ARL15: variants seen among roughly 807,000 people sequenced by gnomAD.
ARL15 encodes ADP-ribosylation factor-like protein 15.
Under a neutral mutation model 25.2 loss-of-function variants are expected in ARL15, and 19 were observed. The observed-to-expected ratio is 0.75, with a 90% CI of 0.53 to 1.10. ARL15 has a LOEUF of 1.10. ARL15 is among the 50% of genes least tolerant of loss of function. The probability of loss-of-function intolerance (pLI) is 0.00; values close to 1 mark genes in which losing one functional copy is unlikely to be tolerated. For synonymous variants in ARL15, 94 were observed against 86.8 expected (o/e 1.08, Z -0.46); for missense variants, 220 against 246.0 (o/e 0.89, Z 0.71).
intron 2 of ARL15, among the ~76,000 whole-genome samples, chr5:54,165,139 C>T (rs1469717648): frequency 1.3e-5 from 2 of 151,978 alleles, no homozygotes; most frequent in African/African-American, 4.8e-5. Context: ...AGTGTACTTC[C>T]CTTTTTCCCC....
intron 2 of ARL15, among the ~76,000 whole-genome samples, chr5:54,166,958 T>TA (rs35635197): frequency 0.45 from 68,609 of 151,960 alleles, 16,132 homozygotes; most frequent in East Asian, 0.83. Flanking sequence ...TGAGATGCAT[T>TA]ACATTACCAG....
intron 4 of ARL15, among the ~76,000 whole-genome samples, chr5:54,066,060 C>T (rs533884524): frequency 1.3e-5 from 2 of 152,302 alleles, no homozygotes; most frequent in African/African-American, 4.8e-5. Context: ...TTTCTAGCAT[C>T]ACAATACCTC....
chr5:53,941,979 T>A (rs1348690911), intron 4 of ARL15, among the ~76,000 whole-genome samples: 1 of 152,162 alleles, frequency 6.6e-6, no homozygotes, highest in Non-Finnish European at 1.5e-5. Context: ...GTCTGATTTA[T>A]CTATTTAAAA....
intron 1 of ARL15, among the ~76,000 whole-genome samples, chr5:54,234,335 A>T (rs941652053): frequency 1.4e-4 from 22 of 152,034 alleles, no homozygotes; most frequent in East Asian, 3.9e-4. Flanking sequence ...AAAAAAAAAA[A>T]TTTTAATTGC....
At chr5:54,196,609 C>T (rs1755556747) in intron 1 of ARL15, among the ~76,000 whole-genome samples, 1 of 151,428 alleles carries the variant, frequency 6.6e-6, no homozygotes, top group South Asian at 2.1e-4. Context: ...TCAAGCTTAC[C>T]TTAAAAAATT....
intron 1 of ARL15, among the ~76,000 whole-genome samples, chr5:54,180,053 G>A (rs981314354): frequency 2.0e-5 from 3 of 150,386 alleles, no homozygotes; most frequent in Non-Finnish European, 4.4e-5. Context: ...GCCCATGTGA[G>A]CTGCAGAGAT....
intron 1 of ARL15, among the ~76,000 whole-genome samples, chr5:54,277,040 A>G (rs1221260138): frequency 1.3e-5 from 2 of 152,240 alleles, no homozygotes; most frequent in Non-Finnish European, 2.9e-5. Flanking sequence ...TACAGCATCC[A>G]TAGGAAATAC....
chr5:54,267,153 G>A (rs1466656316), intron 1 of ARL15, among the ~76,000 whole-genome samples: 1 of 152,070 alleles, frequency 6.6e-6, no homozygotes, highest in East Asian at 1.9e-4. Flanking sequence ...GGGCAGTGGC[G>A]GGATCTCAGC....
intron 4 of ARL15, among the ~76,000 whole-genome samples, chr5:53,944,355 A>C (rs1022913376): frequency 2.6e-5 from 4 of 152,168 alleles, no homozygotes; most frequent in African/African-American, 9.7e-5. Flanking sequence ...TCGCACCTGT[A>C]ATCCCAGCAC....
At chr5:54,106,178 A>T (rs537026929) in intron 4 of ARL15, among the ~76,000 whole-genome samples, 1 of 152,316 alleles carries the variant, frequency 6.6e-6, no homozygotes, top group Non-Finnish European at 1.5e-5. Context: ...TAACAAGTTG[A>T]ATCTTTTTAA....
At chr5:54,305,131 A>G (rs188380800) in intron 1 of ARL15, among the ~76,000 whole-genome samples, 33 of 152,310 alleles carry the variant, frequency 2.2e-4, no homozygotes, top group Admixed American at 1.8e-3. Flanking sequence ...ATAACCAAGA[A>G]ACTAAATAGG....
chr5:54,015,292 C>CAA (rs112278417), intron 4 of ARL15, among the ~76,000 whole-genome samples: 9 of 138,310 alleles, frequency 6.5e-5, no homozygotes, highest in African/African-American at 1.9e-4. Context: ...AACTCCATCT[C>CAA]AAAAAAAAAA....
At chr5:53,999,322 C>T (rs889491057) in intron 4 of ARL15, among the ~76,000 whole-genome samples, 1 of 152,212 alleles carries the variant, frequency 6.6e-6, no homozygotes, top group Non-Finnish European at 1.5e-5. Flanking sequence ...GGCGTGGTGG[C>T]TCATGCCTGT....
At chr5:54,071,614 T>C (rs1002243728) in intron 4 of ARL15, among the ~76,000 whole-genome samples, 1 of 150,418 alleles carries the variant, frequency 6.6e-6, no homozygotes, top group Non-Finnish European at 1.5e-5. Flanking sequence ...AAGCACTTTT[T>C]GGTACATTAA....
chr5:54,216,393 C>T (rs1173295190), intron 1 of ARL15, among the ~76,000 whole-genome samples: 1 of 152,154 alleles, frequency 6.6e-6, no homozygotes, highest in East Asian at 1.9e-4. Context: ...AACTTTGACT[C>T]ATGTGCTTCT....
chr5:54,204,117 A>C (rs1283202382), intron 1 of ARL15, among the ~76,000 whole-genome samples: 1 of 152,182 alleles, frequency 6.6e-6, no homozygotes, highest in South Asian at 2.1e-4. Context: ...GTGTTAAGTT[A>C]TATACAATTT....
intron 3 of ARL15, among the ~76,000 whole-genome samples, chr5:54,147,729 A>G (rs1008709985): frequency 3.3e-5 from 5 of 152,154 alleles, no homozygotes; most frequent in Non-Finnish European, 7.4e-5. Context: ...TTCGAATAGC[A>G]AGTTGCTTTC....
chr5:54,052,275 C>T (rs1025376439), intron 4 of ARL15, among the ~76,000 whole-genome samples: 3 of 151,678 alleles, frequency 2.0e-5, no homozygotes, highest in Non-Finnish European at 4.4e-5. Context: ...TCAATGTATG[C>T]AAATTAAAAA....
At chr5:54,173,206 AAAAG>A (rs981075170) in intron 1 of ARL15, among the ~76,000 whole-genome samples, 7 of 151,458 alleles carry the variant, frequency 4.6e-5, no homozygotes, top group Admixed American at 1.3e-4. Flanking sequence ...AAAAGAAAAG[AAAAG>A]AAAGAAAGAA....
Sources: allele counts gnomAD v4.1 joint callset (sites outside exome capture counted in the v4.1 genomes callset), GRCh38; gene constraint gnomAD v4.1.1; transcripts MANE v1.5; gene names NCBI Gene and HGNC (gene_info 2026-07-23, HGNC 2026-07-21).